DACH1: variants seen among roughly 807,000 people sequenced by gnomAD.
The protein encoded by DACH1 is dachshund homolog 1.
Under a neutral mutation model 54.2 loss-of-function variants are expected in DACH1, and 12 were observed. The observed-to-expected ratio is 0.22, with a 90% CI of 0.14 to 0.36. DACH1 has a LOEUF of 0.36. Among genes scored for constraint, DACH1 ranks in the 10% least tolerant of loss-of-function variants. DACH1 has a pLI of 1.00. For missense variants in DACH1, 805 were observed against 929.8 expected, an observed-to-expected ratio of 0.87 and a Z score of 1.75; for synonymous variants, 386 against 366.2, an observed-to-expected ratio of 1.05 and a Z score of -0.62.
chr13:71,802,509 A>C (rs1237170818), intron 1 of DACH1, among the ~76,000 whole-genome samples: 1 of 152,070 alleles, frequency 6.6e-6, no homozygotes, highest in East Asian at 1.9e-4. Flanking sequence ...TTGAAGATGA[A>C]AGCTAACAGA....
intron 1 of DACH1, among the ~76,000 whole-genome samples, chr13:71,774,530 G>C (rs1446939458): frequency 2.6e-5 from 4 of 152,088 alleles, no homozygotes; most frequent in African/African-American, 7.2e-5. Flanking sequence ...CCTCCTGAGT[G>C]CATATTATAT....
intron 1 of DACH1, among the ~76,000 whole-genome samples, chr13:71,823,428 G>C (rs1272720830): frequency 6.6e-6 from 1 of 151,962 alleles, no homozygotes; most frequent in Non-Finnish European, 1.5e-5. Flanking sequence ...GAAATGAAAG[G>C]CCTCATAAAG....
At chr13:71,652,485 T>C (rs539699967) in intron 2 of DACH1, among the ~76,000 whole-genome samples, 1 of 152,232 alleles carries the variant, frequency 6.6e-6, no homozygotes, top group South Asian at 2.1e-4. Context: ...CTCATTCCAC[T>C]TTCTATTCTA....
chr13:71,716,873 T>C (rs1882995357), intron 1 of DACH1, among the ~76,000 whole-genome samples: 1 of 152,192 alleles, frequency 6.6e-6, no homozygotes, highest in Non-Finnish European at 1.5e-5. Context: ...ATGTGCAGGT[T>C]TGTTACATAG....
At chr13:71,501,862 C>T (rs1879943358) in intron 6 of DACH1, among the ~76,000 whole-genome samples, 2 of 152,116 alleles carry the variant, frequency 1.3e-5, no homozygotes, top group African/African-American at 4.8e-5. Flanking sequence ...TTAATCCTTA[C>T]AACAATTCTG....
chr13:71,546,567 A>G (rs1413881045), intron 6 of DACH1, among the ~76,000 whole-genome samples: 2 of 152,026 alleles, frequency 1.3e-5, no homozygotes, highest in Admixed American at 1.3e-4. Context: ...TCATTCTTAA[A>G]GTTTAATCAC....
intron 2 of DACH1, among the ~76,000 whole-genome samples, chr13:71,644,389 G>A (rs535692696): frequency 2.0e-5 from 3 of 152,084 alleles, no homozygotes; most frequent in Admixed American, 6.5e-5. Context: ...AGAAGTAAAC[G>A]AACTGAGTTC....
At chr13:71,852,793 A>G (rs1873759038) in intron 1 of DACH1, among the ~76,000 whole-genome samples, 1 of 152,214 alleles carries the variant, frequency 6.6e-6, no homozygotes, top group Admixed American at 6.5e-5. Flanking sequence ...GCACATTAAC[A>G]AAGTATAGAA....
At chr13:71,792,588 A>T (rs1035422774) in intron 1 of DACH1, among the ~76,000 whole-genome samples, 2 of 152,224 alleles carry the variant, frequency 1.3e-5, no homozygotes, top group Non-Finnish European at 2.9e-5. Context: ...TAAAATTGAG[A>T]TGTTAAATTG....
intron 1 of DACH1, among the ~76,000 whole-genome samples, chr13:71,811,799 G>A (rs1887724619): frequency 6.6e-6 from 1 of 152,174 alleles, no homozygotes; most frequent in Admixed American, 6.5e-5. Context: ...ATATCTACAT[G>A]TGAGGATAAT....
chr13:71,767,128 G>A lies in DACH1; in HGVS notation c.849-85218C>T, dbSNP rs1242849787. Among the ~76,000 whole-genome samples, 2 of 151,518 alleles carry A rather than the reference G, an allele frequency of 1.3e-5. 1 individual carries two copies. The highest frequency in any genetic ancestry group is 1.3e-4 in the Admixed American group (2 of 15,222). On this transcript the variant is annotated intron_variant, in intron 1 of 10. Coordinates refer to ENST00000613252, the MANE Select transcript of DACH1 (RefSeq NM_080759.6). The stretch of plus-strand genomic sequence containing the variant: ...GCAAATTAAAACATCATATTACTTT[G>A]CAATTAATATATATTTAACACTGTT...
chr13:71,570,509 C>T (rs959751611), intron 4 of DACH1, among the ~76,000 whole-genome samples: 1 of 152,140 alleles, frequency 6.6e-6, no homozygotes, highest in Non-Finnish European at 1.5e-5. Context: ...CCATTGTTCC[C>T]TATTTGGCTG....
In DACH1 at chr13:71,596,602, T is replaced by C. The variant is rs188670508; in HGVS notation, c.1127-23590A>G. Among the ~76,000 whole-genome samples the C allele has an allele frequency of 2.5e-4, 38 of 152,266 alleles. No individual in the cohort carries two copies. The East Asian group carries it at 6.0e-3, about 24-fold the overall frequency. On this transcript the variant is annotated intron_variant, in intron 3 of 10. Coordinates refer to ENST00000613252, the MANE Select transcript of DACH1 (RefSeq NM_080759.6). ...ACTGTTTTATGAAAATTCAAGACAA[T>C]GTCATCACAAAGCCTAACCCTCAAA...
rs778896123 is a variant in DACH1, at chr13:71,464,589, AC to A, written c.2083+10551del. 3.2e-4 allele frequency: 142 copies of A among 442,828 alleles called. 2 individuals are homozygous for A. Among genetic ancestry groups the A allele is most frequent in the Admixed American group, 7.3e-4 (29 of 39,724 alleles). 27.4% of individuals were successfully genotyped at this position (442,828 alleles called of 1,614,324 possible). A position where few individuals can be genotyped will look rare whatever the true frequency, so the allele number is the denominator to read the frequency against. On this transcript the variant is annotated intron_variant, in intron 10 of 10. Transcript: ENST00000613252. The stretch of plus-strand genomic sequence containing the variant: ...AAATTCCTTTGAAAGATTAATTAAT[AC>A]ATGCAAATTATGCAAATTAGACCCA...
chr13:71,657,500 C>CA (rs1879195397), intron 2 of DACH1, among the ~76,000 whole-genome samples: 1 of 143,802 alleles, frequency 7.0e-6, no homozygotes, highest in East Asian at 2.1e-4. Context: ...GACCCTGTCT[C>CA]AAGAAGAAAA....
intron 1 of DACH1, among the ~76,000 whole-genome samples, chr13:71,863,053 A>G (rs536952089): frequency 2.0e-5 from 3 of 152,260 alleles, no homozygotes; most frequent in East Asian, 1.9e-4. Flanking sequence ...AAATAAATCA[A>G]TACATCTAGG....
At position 71,489,060 on chromosome 13, in the gene DACH1, A is replaced by G; in HGVS notation, c.1659T>C (p.Phe553=). Reference sequence around the variant, plus strand: ...CATCAGGAAACAGAAAAGGAGATGGAAAACCTGGAGGCAGTGGTTGTCCAT... The same window carrying G: ...CATCAGGAAACAGAAAAGGAGATGGGAAACCTGGAGGCAGTGGTTGTCCAT... ...TGHGQPLPPG[F]PSPFLFPDGL... is the part of the protein sequence containing the mutation. Residue 553 remains phenylalanine (F), a synonymous_variant, in exon 7 of 11, where the codon TTT becomes TTC. Coordinates refer to ENST00000613252, the MANE Select transcript of DACH1 (RefSeq NM_080759.6). 6.2e-7 allele frequency: 1 copy of G among 1,613,918 alleles called. No homozygotes were observed. Among genetic ancestry groups the G allele is most frequent in the East Asian group, 2.2e-5 (1 of 44,864 alleles).
In DACH1 at chr13:71,559,932, T is replaced by A. The variant is rs1458973591; in HGVS notation, c.1323A>T (p.Ser441=). 1.9e-6 allele frequency: 3 copies of A among 1,594,810 alleles called. No homozygotes were observed. In the Admixed American group the frequency reaches 5.3e-5, roughly 28 times the overall value. Residue 441 remains serine (S), a synonymous_variant, in exon 5 of 11, where the codon TCA becomes TCT. Coordinates refer to ENST00000613252, the MANE Select transcript of DACH1 (RefSeq NM_080759.6). The part of the protein sequence containing the change: ...VIKERVPDSP[S]PAPSLEEGRR... Reference sequence around the variant, plus strand: ...TCCCCTCCTCCAGAGAGGGGGCAGGTGAGGGGCTATCAGGAACACGCTCCT... The same window carrying A: ...TCCCCTCCTCCAGAGAGGGGGCAGGAGAGGGGCTATCAGGAACACGCTCCT...
intron 1 of DACH1, among the ~76,000 whole-genome samples, chr13:71,773,655 G>C (rs534045263): frequency 6.6e-6 from 1 of 151,842 alleles, no homozygotes; most frequent in African/African-American, 2.4e-5. Context: ...TATATGTTTC[G>C]ACAATAAAAT....
Sources: gnomAD v4.1 joint callset for allele counts (sites outside exome capture counted in the v4.1 genomes callset) on GRCh38, gnomAD v4.1.1 for gene constraint, MANE v1.5 for transcripts, NCBI Gene and HGNC (gene_info 2026-07-23, HGNC 2026-07-21) for gene names.